Variants in PCGF3 observed in about 807,000 individuals in gnomAD.
PCGF3 encodes polycomb group RING finger protein 3.
PCGF3 carries 7 observed loss-of-function variants against 33.1 expected under a neutral mutation model. That is an observed-to-expected ratio of 0.21 (90% CI 0.12 to 0.40). The LOEUF is 0.40. Ranked by LOEUF, PCGF3 falls within the 10% of genes least tolerant of loss-of-function variation. PCGF3 has a pLI of 1.00. For missense variants in PCGF3, 211 were observed against 313.3 expected (o/e 0.67, Z 2.46); for synonymous variants, 153 against 121.3 (o/e 1.26, Z -1.72).
chr4:752,247 C>T (rs979157183), intron 8 of PCGF3, among the ~76,000 whole-genome samples: 2 of 152,220 alleles, frequency 1.3e-5, no homozygotes, highest in African/African-American at 2.4e-5. Flanking sequence ...CCTCTCAGTT[C>T]TGCCTCCCGC....
chr4:738,979 G>A (rs995150426), intron 6 of PCGF3, among the ~76,000 whole-genome samples: 4 of 152,154 alleles, frequency 2.6e-5, no homozygotes, highest in Non-Finnish European at 5.9e-5. Flanking sequence ...GTTTCTAGGC[G>A]TGGCCGTCCT....
At chr4:766,886 T>C (rs753437217) in exon 11 of PCGF3, 4 of 152,302 alleles carry the variant, frequency 2.6e-5, no homozygotes, top group Non-Finnish European at 4.4e-5. Flanking sequence ...AAATTACTTG[T>C]TCCCCCAAAT....
chr4:732,906 G>C (rs925157575), intron 3 of PCGF3, among the ~76,000 whole-genome samples: 1 of 152,224 alleles, frequency 6.6e-6, no homozygotes, highest in Non-Finnish European at 1.5e-5. Context: ...GGCTCTGCCT[G>C]CCGTCGTGCG....
At chr4:743,834 G>T (rs1744199956) in intron 7 of PCGF3, 2 of 395,536 alleles carry the variant, frequency 5.1e-6, no homozygotes, top group South Asian at 7.0e-5. Flanking sequence ...GGGGGGCAGA[G>T]GTCAGGGTTC....
At chr4:714,321 G>C (rs1486859828) in intron 1 of PCGF3, among the ~76,000 whole-genome samples, 1 of 152,186 alleles carries the variant, frequency 6.6e-6, no homozygotes, top group Non-Finnish European at 1.5e-5. Flanking sequence ...CCCACTCGTG[G>C]CCGTTCGGCC....
intron 1 of PCGF3, among the ~76,000 whole-genome samples, chr4:724,548 C>T (rs932162363): frequency 1.3e-5 from 2 of 152,172 alleles, no homozygotes; most frequent in African/African-American, 4.8e-5. Context: ...TATTCTTGGC[C>T]GGGCACGGTG....
chr4:735,410 G>C (rs1353429543), intron 5 of PCGF3, among the ~76,000 whole-genome samples: 1 of 152,228 alleles, frequency 6.6e-6, no homozygotes, highest in Non-Finnish European at 1.5e-5. Flanking sequence ...GCTGGGTATG[G>C]TGGTGCATGC....
Position 740,926 on chromosome 4 carries a change from T to C in PCGF3, c.263-2548T>C, listed in dbSNP as rs57461010. On this transcript the variant is annotated intron_variant, in intron 6 of 10. Coordinates refer to ENST00000362003, the Ensembl canonical transcript of PCGF3. ...CACCGTGGCTGGAACTCATCGTCACTGCATTGGGACGTTTTCATGACGACG... is the reference window on the plus strand; with the variant it reads ...CACCGTGGCTGGAACTCATCGTCACCGCATTGGGACGTTTTCATGACGACG... Among the ~76,000 whole-genome samples, 1,445 of 152,222 alleles carry C rather than the reference T, an allele frequency of 9.5e-3. 27 individuals carry two copies. Among genetic ancestry groups the C allele is most frequent in the African/African-American group, 0.034 (1,402 of 41,522 alleles).
At chr4:712,145 T>C (rs1021038457) in intron 1 of PCGF3, among the ~76,000 whole-genome samples, 4 of 152,204 alleles carry the variant, frequency 2.6e-5, no homozygotes, top group Non-Finnish European at 5.9e-5. Flanking sequence ...TTTCATACAT[T>C]GATAGTTTAT....
At chr4:742,754 C>T (rs577312019) in intron 6 of PCGF3, among the ~76,000 whole-genome samples, 56 of 152,320 alleles carry the variant, frequency 3.7e-4, no homozygotes, top group African/African-American at 1.3e-3. Context: ...CGTCTGCCGC[C>T]GGGCAGTCTC....
chr4:707,291 C>A (rs531364362), intron 1 of PCGF3, among the ~76,000 whole-genome samples: 117 of 152,194 alleles, frequency 7.7e-4, no homozygotes, highest in African/African-American at 2.6e-3. Context: ...CCAAAGAATG[C>A]CAGGACCCCA....
intron 8 of PCGF3, among the ~76,000 whole-genome samples, chr4:755,069 C>G (rs937917934): frequency 6.6e-6 from 1 of 152,224 alleles, no homozygotes. Flanking sequence ...ATCAGAGTTG[C>G]ATTTCGAGGT....
At chr4:762,210 T>G (rs1745099265) in intron 9 of PCGF3, 1 of 550,832 alleles carries the variant, frequency 1.8e-6, no homozygotes, top group Non-Finnish European at 2.3e-6. Flanking sequence ...AATAAAGGAT[T>G]TTGGGATGAA....
chr4:768,688 GA>G (rs1745486954), exon 11 of PCGF3: 2 of 152,420 alleles, frequency 1.3e-5, no homozygotes, highest in African/African-American at 2.4e-5. Flanking sequence ...GGTTAAAAAA[GA>G]AAACTTAACT....
At chr4:754,920 G>T (rs1241915352) in intron 8 of PCGF3, among the ~76,000 whole-genome samples, 1 of 152,222 alleles carries the variant, frequency 6.6e-6, no homozygotes, top group Non-Finnish European at 1.5e-5. Context: ...GAGCCTGCAG[G>T]ATTCGCTGGT....
intron 8 of PCGF3, among the ~76,000 whole-genome samples, chr4:758,158 T>C (rs62294067): frequency 0.09 from 9,769 of 108,758 alleles, 432 homozygotes; most frequent in South Asian, 0.18. Flanking sequence ...AGAGGGAGAC[T>C]CTGTCTCAAA....
intron 3 of PCGF3, chr4:732,326 C>CCCCTT (rs1743616564): frequency 8.0e-6 from 1 of 125,714 alleles, no homozygotes; most frequent in African/African-American, 2.7e-5. Context: ...ACCCTCCCCT[C>CCCCTT]CCCTTCCCTC....
chr4:763,980 C>A (rs1255379743), intron 9 of PCGF3, among the ~76,000 whole-genome samples: 2 of 152,232 alleles, frequency 1.3e-5, no homozygotes, highest in African/African-American at 2.4e-5. Context: ...CGTGCGACTC[C>A]AGCTCTGCAG....
exon 11 of PCGF3, chr4:766,357 A>G: frequency 5.5e-6 from 2 of 362,658 alleles, no homozygotes; most frequent in Middle Eastern, 7.4e-4. Flanking sequence ...TCCAGGCAAC[A>G]CGGTTCTGAG....
Sources: gnomAD v4.1 joint callset for allele counts (sites outside exome capture counted in the v4.1 genomes callset) on GRCh38, gnomAD v4.1.1 for gene constraint, MANE v1.5 for transcripts, NCBI Gene and HGNC (gene_info 2026-07-23, HGNC 2026-07-21) for gene names.